Variants in CHRNA7 observed in about 807,000 individuals in gnomAD.
CHRNA7 encodes the protein cholinergic receptor nicotinic alpha 7 subunit.
CHRNA7 carries 17 observed loss-of-function variants against 48.0 expected under a neutral mutation model. The observed-to-expected ratio is 0.35, with a 90% confidence interval of 0.24 to 0.53. CHRNA7 has a LOEUF of 0.53. Ranked by LOEUF, CHRNA7 falls within the 20% of genes least tolerant of loss-of-function variation. CHRNA7 has a pLI of 0.92. For missense variants in CHRNA7, 155 were observed against 577.7 expected, an observed-to-expected ratio of 0.27 and a Z score of 7.50; for synonymous variants, 75 against 242.3, an observed-to-expected ratio of 0.31 and a Z score of 6.41.
chr15:32,124,212 A>G (rs1470846349), intron 4 of CHRNA7, among the ~76,000 whole-genome samples: 2 of 152,206 alleles, frequency 1.3e-5, no homozygotes. Context: ...CATGTCTGCC[A>G]AATGCCATAA....
At chr15:32,087,938 G>A (rs945051050) in intron 2 of CHRNA7, among the ~76,000 whole-genome samples, 5 of 152,182 alleles carry the variant, frequency 3.3e-5, no homozygotes, top group Non-Finnish European at 7.4e-5. Flanking sequence ...CTGGATCACC[G>A]AATCTCCTAA....
intron 2 of CHRNA7, among the ~76,000 whole-genome samples, chr15:32,075,073 G>A (rs920292479): frequency 1.3e-5 from 2 of 152,054 alleles, no homozygotes; most frequent in Non-Finnish European, 2.9e-5. Flanking sequence ...ATAAACCCTG[G>A]TTTGGTCATG....
chr15:32,067,448 T>G (rs1040875010), intron 2 of CHRNA7, among the ~76,000 whole-genome samples: 1 of 152,212 alleles, frequency 6.6e-6, no homozygotes, highest in African/African-American at 2.4e-5. Context: ...AAGGAGCAAT[T>G]AATGCATTTT....
chr15:32,122,145 C>T (rs527305389), intron 4 of CHRNA7, among the ~76,000 whole-genome samples: 78 of 152,298 alleles, frequency 5.1e-4, no homozygotes, highest in African/African-American at 1.8e-3. Flanking sequence ...GTTAGTGTGA[C>T]AAGTAGCACA....
chr15:32,148,626 C>T (rs1011921185), intron 4 of CHRNA7, among the ~76,000 whole-genome samples: 3 of 152,188 alleles, frequency 2.0e-5, no homozygotes, highest in South Asian at 2.1e-4. Context: ...CCCATGGGCT[C>T]CCCCTGCCTA....
intron 2 of CHRNA7, among the ~76,000 whole-genome samples, chr15:32,042,877 A>G (rs1288419329): frequency 6.6e-6 from 1 of 152,236 alleles, no homozygotes; most frequent in Non-Finnish European, 1.5e-5. Context: ...TTTATAAGAT[A>G]CATTTCTTAA....
intron 2 of CHRNA7, among the ~76,000 whole-genome samples, chr15:32,050,345 CT>C (rs2049645050): frequency 6.6e-6 from 1 of 152,246 alleles, no homozygotes; most frequent in Non-Finnish European, 1.5e-5. Context: ...TTGTTCGTTT[CT>C]TTTTATTCTT....
At chr15:32,073,073 C>T (rs534974991) in intron 2 of CHRNA7, among the ~76,000 whole-genome samples, 3 of 152,166 alleles carry the variant, frequency 2.0e-5, no homozygotes, top group South Asian at 2.1e-4. Context: ...CACCCTGAGC[C>T]CAGCAAAGCT....
chr15:32,114,043 T>TATATATATACACAC (rs58019100), intron 4 of CHRNA7, among the ~76,000 whole-genome samples: 15,310 of 75,996 alleles, frequency 0.2, 1,508 homozygotes, highest in Middle Eastern at 0.28. Context: ...TATATATATA[T>TATATATATACACAC]GTATATATAT....
intron 2 of CHRNA7, among the ~76,000 whole-genome samples, chr15:32,085,415 A>C (rs1256133263): frequency 6.6e-6 from 1 of 152,234 alleles, no homozygotes; most frequent in African/African-American, 2.4e-5. Context: ...AAAGAAACTT[A>C]GCACCATATT....
At chr15:32,047,604 A>C (rs1395107162) in intron 2 of CHRNA7, among the ~76,000 whole-genome samples, 1 of 152,152 alleles carries the variant, frequency 6.6e-6, no homozygotes, top group Non-Finnish European at 1.5e-5. Context: ...ATATACAATC[A>C]TGTCATCTGC....
intron 2 of CHRNA7, among the ~76,000 whole-genome samples, chr15:32,096,210 G>A (rs553862222): frequency 6.6e-6 from 1 of 152,338 alleles, no homozygotes; most frequent in South Asian, 2.1e-4. Context: ...ATTTAGAAAT[G>A]CAAACTCTGT....
At chr15:32,089,871 A>G (rs765471764) in intron 2 of CHRNA7, among the ~76,000 whole-genome samples, 4 of 152,164 alleles carry the variant, frequency 2.6e-5, no homozygotes, top group Admixed American at 1.3e-4. Flanking sequence ...TGTTTGCTAT[A>G]GCTTTAACTG....
intron 2 of CHRNA7, among the ~76,000 whole-genome samples, chr15:32,047,896 G>C (rs1005545161): frequency 6.6e-6 from 1 of 152,068 alleles, no homozygotes; most frequent in Non-Finnish European, 1.5e-5. Flanking sequence ...GTTGAATTTT[G>C]TCAAAGGCCT....
At chr15:32,068,210 G>T (rs1440567569) in intron 2 of CHRNA7, among the ~76,000 whole-genome samples, 3 of 152,142 alleles carry the variant, frequency 2.0e-5, no homozygotes. Flanking sequence ...TACTCAGGAG[G>T]TTGAGGTGGG....
intron 2 of CHRNA7, among the ~76,000 whole-genome samples, chr15:32,075,151 A>G (rs2050118048): frequency 6.6e-6 from 1 of 152,146 alleles, no homozygotes; most frequent in South Asian, 2.1e-4. Context: ...TTTTGTGTCT[A>G]TGAGAGATAT....
At chr15:32,145,790 G>A (rs537087686) in intron 4 of CHRNA7, among the ~76,000 whole-genome samples, 6 of 152,300 alleles carry the variant, frequency 3.9e-5, no homozygotes, top group African/African-American at 1.4e-4. Flanking sequence ...TGCAGTATTT[G>A]GGCGGGAGTG....
intron 2 of CHRNA7, among the ~76,000 whole-genome samples, chr15:32,043,901 A>G (rs2049490389): frequency 6.6e-6 from 1 of 152,122 alleles, no homozygotes; most frequent in South Asian, 2.1e-4. Flanking sequence ...ACTTATTTAT[A>G]TTGCCTAATT....
chr15:32,136,671 A>C (rs935419491), intron 4 of CHRNA7, among the ~76,000 whole-genome samples: 10 of 152,124 alleles, frequency 6.6e-5, no homozygotes, highest in African/African-American at 2.4e-4. Context: ...TAACCACCAG[A>C]CCAGACACAT....
Sources: allele counts gnomAD v4.1 joint callset (sites outside exome capture counted in the v4.1 genomes callset), GRCh38; gene constraint gnomAD v4.1.1; transcripts MANE v1.5; gene names NCBI Gene and HGNC (gene_info 2026-07-23, HGNC 2026-07-21).